Variants in RBFOX1 observed in about 807,000 individuals in gnomAD.
RBFOX1 encodes RNA binding protein fox-1 homolog 1.
In RBFOX1, 8 loss-of-function variants were observed where a neutral mutation model predicts 57.7. The observed-to-expected ratio is 0.14, with a 90% CI of 0.08 to 0.25. RBFOX1 has a LOEUF of 0.25. RBFOX1 is among the 10% of genes least tolerant of loss of function. The pLI is 1.00. For synonymous variants in RBFOX1, 326 were observed against 222.4 expected, an observed-to-expected ratio of 1.47 and a Z score of -4.15; for missense variants, 611 against 548.5, an observed-to-expected ratio of 1.11 and a Z score of -1.14.
chr16:6,289,002 TGA>T (rs2077182567), intron 1 of RBFOX1, among the ~76,000 whole-genome samples: 1 of 152,136 alleles, frequency 6.6e-6, no homozygotes. Flanking sequence ...AAGCAGGGAT[TGA>T]GTGTGTCTCC....
intron 3 of RBFOX1, among the ~76,000 whole-genome samples, chr16:6,983,167 A>G (rs1452278691): frequency 1.3e-5 from 2 of 152,002 alleles, no homozygotes; most frequent in Non-Finnish European, 2.9e-5. Context: ...GGGATAGCAC[A>G]CCAAGCCTCT....
intron 4 of RBFOX1, among the ~76,000 whole-genome samples, chr16:5,969,361 G>GAGTGCA (rs1167096041): frequency 6.9e-6 from 1 of 145,324 alleles, no homozygotes; most frequent in East Asian, 2.0e-4. Context: ...ACCCGGGCTG[G>GAGTGCA]AGTGCAATGG....
intron 3 of RBFOX1, among the ~76,000 whole-genome samples, chr16:6,925,256 C>T (rs1466152852): frequency 6.7e-6 from 1 of 149,654 alleles, no homozygotes; most frequent in African/African-American, 2.5e-5. Flanking sequence ...ACCTCAGTCT[C>T]CCAAGTAGCT....
intron 1 of RBFOX1, among the ~76,000 whole-genome samples, chr16:5,458,468 G>A (rs908870284): frequency 4.6e-5 from 7 of 152,198 alleles, no homozygotes; most frequent in African/African-American, 1.2e-4. Flanking sequence ...GTATTGTGCT[G>A]TGCAATTTAC....
intron 4 of RBFOX1, among the ~76,000 whole-genome samples, chr16:7,414,911 G>T (rs762784146): frequency 6.6e-6 from 1 of 152,178 alleles, no homozygotes; most frequent in Non-Finnish European, 1.5e-5. Context: ...GAGCCACGGC[G>T]CCCAGCCCTT....
intron 3 of RBFOX1, among the ~76,000 whole-genome samples, chr16:6,738,118 A>T (rs2070939601): frequency 6.6e-6 from 1 of 151,570 alleles, no homozygotes; most frequent in South Asian, 2.1e-4. Context: ...TCTTGTCAAG[A>T]TGGTGTAATA....
At chr16:7,521,626 A>G (rs183041872) in intron 5 of RBFOX1, among the ~76,000 whole-genome samples, 1 of 152,228 alleles carries the variant, frequency 6.6e-6, no homozygotes, top group East Asian at 1.9e-4. Flanking sequence ...GGAGAGCCTT[A>G]GGAGAATATA....
At chr16:6,892,899 C>T (rs1039394545) in intron 3 of RBFOX1, among the ~76,000 whole-genome samples, 3 of 151,850 alleles carry the variant, frequency 2.0e-5, no homozygotes, top group Non-Finnish European at 2.9e-5. Flanking sequence ...TCACCACTCA[C>T]TCTCAGTCTT....
At chr16:7,318,782 C>G (rs917344230) in intron 4 of RBFOX1, among the ~76,000 whole-genome samples, 2 of 152,090 alleles carry the variant, frequency 1.3e-5, no homozygotes, top group African/African-American at 4.8e-5. Context: ...ACCGCCAGAC[C>G]CACCCCCCAT....
At chr16:6,152,736 C>G (rs1195906958) in intron 1 of RBFOX1, among the ~76,000 whole-genome samples, 2 of 152,110 alleles carry the variant, frequency 1.3e-5, no homozygotes, top group Non-Finnish European at 2.9e-5. Context: ...GCCCACAGAC[C>G]CATAACTCAA....
At chr16:6,749,962 A>C (rs2154190368) in intron 3 of RBFOX1, among the ~76,000 whole-genome samples, 1 of 152,256 alleles carries the variant, frequency 6.6e-6, no homozygotes, top group East Asian at 1.9e-4. Flanking sequence ...TAGGCACACA[A>C]ATGAAAAGAT....
chr16:5,690,453 A>G (rs1033924767), intron 3 of RBFOX1, among the ~76,000 whole-genome samples: 1 of 152,066 alleles, frequency 6.6e-6, no homozygotes, highest in African/African-American at 2.4e-5. Context: ...CTTCCCCACC[A>G]TGTTAGGAGA....
At chr16:6,418,609 T>C (rs2093691468) in intron 2 of RBFOX1, among the ~76,000 whole-genome samples, 1 of 147,624 alleles carries the variant, frequency 6.8e-6, no homozygotes, top group Non-Finnish European at 1.5e-5. Context: ...TTGCAGCCTC[T>C]AACTCCTGGG....
chr16:5,440,193 C>T (rs191093136), intron 1 of RBFOX1, among the ~76,000 whole-genome samples: 1 of 152,222 alleles, frequency 6.6e-6, no homozygotes, highest in African/African-American at 2.4e-5. Context: ...TCTATTCACA[C>T]CGCCATAACA....
intron 4 of RBFOX1, among the ~76,000 whole-genome samples, chr16:7,276,253 G>T (rs1302544996): frequency 6.6e-6 from 1 of 152,120 alleles, no homozygotes; most frequent in South Asian, 2.1e-4. Flanking sequence ...TTTGTGTCAT[G>T]AAATGGTGAT....
At chr16:5,809,159 T>C (rs2055334034) in intron 3 of RBFOX1, among the ~76,000 whole-genome samples, 1 of 152,168 alleles carries the variant, frequency 6.6e-6, no homozygotes, top group African/African-American at 2.4e-5. Flanking sequence ...TTACACCTTA[T>C]ACAAAAATTA....
At chr16:7,678,548 C>T (rs1226706312) in intron 14 of RBFOX1, among the ~76,000 whole-genome samples, 1 of 151,886 alleles carries the variant, frequency 6.6e-6, no homozygotes, top group Non-Finnish European at 1.5e-5. Context: ...CTCTAGCCTG[C>T]TGTATAATTA....
chr16:7,372,820 CAGAGAG>C (rs922568967), intron 4 of RBFOX1, among the ~76,000 whole-genome samples: 1 of 151,118 alleles, frequency 6.6e-6, no homozygotes, highest in Non-Finnish European at 1.5e-5. Context: ...GAGCAGGAGA[CAGAGAG>C]AGAGAAGTTA....
At chr16:6,910,785 C>G (rs936827208) in intron 3 of RBFOX1, among the ~76,000 whole-genome samples, 1 of 152,200 alleles carries the variant, frequency 6.6e-6, no homozygotes, top group Non-Finnish European at 1.5e-5. Flanking sequence ...GATCCTACGT[C>G]TGAGAATGAG....
Sources: gnomAD v4.1 joint callset for allele counts (sites outside exome capture counted in the v4.1 genomes callset) on GRCh38, gnomAD v4.1.1 for gene constraint, MANE v1.5 for transcripts, NCBI Gene and HGNC (gene_info 2026-07-23, HGNC 2026-07-21) for gene names.